Variants in ADCY1 observed in about 807,000 individuals in gnomAD.
ADCY1 encodes adenylate cyclase type 1.
A neutral mutation model predicts 105.4 loss-of-function variants in ADCY1; 28 were observed. The observed-to-expected ratio is 0.27, with a 90% confidence interval of 0.20 to 0.36. The LOEUF is 0.36. Ranked by LOEUF, ADCY1 falls within the 10% of genes least tolerant of loss-of-function variation. The pLI is 1.00. For synonymous variants in ADCY1, 655 were observed against 623.8 expected (o/e 1.05, Z -0.75); for missense variants, 977 against 1,434.2 (o/e 0.68, Z 5.15).
At chr7:45,666,877 A>G (rs1784272067) in intron 8 of ADCY1, among the ~76,000 whole-genome samples, 1 of 152,226 alleles carries the variant, frequency 6.6e-6, no homozygotes, top group Non-Finnish European at 1.5e-5. Flanking sequence ...TCTGATGGCC[A>G]GTGATGATGA....
intron 8 of ADCY1, among the ~76,000 whole-genome samples, chr7:45,672,262 G>T (rs1683872516): frequency 6.6e-6 from 1 of 152,048 alleles, no homozygotes; most frequent in African/African-American, 2.4e-5. Context: ...CTTATGTGAG[G>T]CTATTTCTGG....
chr7:45,669,869 T>C (rs1166043859), intron 8 of ADCY1, among the ~76,000 whole-genome samples: 4 of 152,258 alleles, frequency 2.6e-5, no homozygotes, highest in Non-Finnish European at 2.9e-5. Context: ...CAAATGGTGA[T>C]AATTTTGCTT....
intron 14 of ADCY1, among the ~76,000 whole-genome samples, chr7:45,691,815 T>G (rs1784791074): frequency 6.6e-6 from 1 of 152,218 alleles, no homozygotes; most frequent in Non-Finnish European, 1.5e-5. Flanking sequence ...GACATGGAAT[T>G]TCTGGTGGCA....
At chr7:45,694,912 G>A (rs1259474500) in intron 14 of ADCY1, among the ~76,000 whole-genome samples, 1 of 152,228 alleles carries the variant, frequency 6.6e-6, no homozygotes, top group African/African-American at 2.4e-5. Flanking sequence ...CCTAACCTGT[G>A]CTAATCCCTA....
At chr7:45,585,749 G>C in intron 1 of ADCY1, among the ~76,000 whole-genome samples, 1 of 152,136 alleles carries the variant, frequency 6.6e-6, no homozygotes, top group African/African-American at 2.4e-5. Flanking sequence ...ACCTGGCCCA[G>C]GTGGGCACAT....
At chr7:45,636,181 A>G (rs1000185794) in intron 4 of ADCY1, among the ~76,000 whole-genome samples, 209 of 152,314 alleles carry the variant, frequency 1.4e-3, no homozygotes, top group African/African-American at 4.7e-3. Context: ...TTGTCACTCA[A>G]TACTTACAGG....
chr7:45,642,849 A>T (rs1462340614), intron 4 of ADCY1, among the ~76,000 whole-genome samples: 1 of 152,164 alleles, frequency 6.6e-6, no homozygotes. Flanking sequence ...GAGGTTTTTA[A>T]TTCCCTAATT....
Position 45,719,569 on chromosome 7 carries a change from T to C in ADCY1, c.*5574T>C, listed in dbSNP as rs966782455. 2 of 152,266 alleles carry C rather than the reference T, an allele frequency of 1.3e-5. No individual in the cohort carries two copies. Among genetic ancestry groups the C allele is most frequent in the African/African-American group, 4.8e-5 (2 of 41,470 alleles). The allele number at this position is 152,266 out of a possible 1,614,324, so 9.4% of individuals were successfully genotyped here. A position where few individuals can be genotyped will look rare whatever the true frequency, so the allele number is the denominator to read the frequency against. ...TATTCTGTTCCATATGAAGTCTGTT[T>C]CACTACCTTAAAAAATAGATACTCC... On this transcript the variant is annotated 3_prime_UTR_variant, in exon 20 of 20. Transcript: ENST00000297323.
chr7:45,632,770 A>G (rs1288805151), intron 4 of ADCY1, among the ~76,000 whole-genome samples: 1 of 151,552 alleles, frequency 6.6e-6, no homozygotes, highest in African/African-American at 2.4e-5. Context: ...GGGTCTCACC[A>G]TGTTGCCCAG....
chr7:45,582,043 A>T (rs1207105914), intron 1 of ADCY1, among the ~76,000 whole-genome samples: 1 of 152,024 alleles, frequency 6.6e-6, no homozygotes, highest in Non-Finnish European at 1.5e-5. Context: ...TTTTGTACCT[A>T]CACACTAGCT....
intron 8 of ADCY1, among the ~76,000 whole-genome samples, chr7:45,676,856 A>G (rs988988602): frequency 8.9e-6 from 1 of 112,984 alleles, no homozygotes. Flanking sequence ...TTTTTTTTTT[A>G]TGGTCTTTGG....
At chr7:45,600,646 A>T (rs1562681882) in intron 2 of ADCY1, among the ~76,000 whole-genome samples, 1 of 152,224 alleles carries the variant, frequency 6.6e-6, no homozygotes. Context: ...TGTAACAGAG[A>T]CTGGGTGGCT....
intron 1 of ADCY1, among the ~76,000 whole-genome samples, chr7:45,587,775 G>A (rs1792776687): frequency 6.6e-6 from 1 of 152,260 alleles, no homozygotes; most frequent in East Asian, 1.9e-4. Context: ...TGGGGTGTTG[G>A]TTTTCAGCAG....
chr7:45,636,179 C>T (rs747261030), intron 4 of ADCY1, among the ~76,000 whole-genome samples: 5 of 152,138 alleles, frequency 3.3e-5, no homozygotes, highest in African/African-American at 1.2e-4. Context: ...AGTTGTCACT[C>T]AATACTTACA....
intron 4 of ADCY1, among the ~76,000 whole-genome samples, chr7:45,634,996 A>G (rs980132058): frequency 2.0e-5 from 3 of 152,096 alleles, no homozygotes; most frequent in Admixed American, 6.5e-5. Context: ...AATTTTTTGG[A>G]ATAGTTTTTG....
At position 45,582,617 on chromosome 7, in the gene ADCY1, GC is replaced by G. The variant is rs1318422878; in HGVS notation, c.639+7438del. Among the ~76,000 whole-genome samples the G allele has an allele frequency of 2.0e-5, 3 of 152,228 alleles. No homozygotes were observed. The East Asian group carries it at 5.8e-4, about 29-fold the overall frequency. ...ATGGGGTGGGAGGCCTGCCTCCACT[GC>G]CCAGTCTTCCTGTTCTCCCTCCCAG... On this transcript the variant is annotated intron_variant, in intron 1 of 19. Transcript: ENST00000297323.
intron 3 of ADCY1, among the ~76,000 whole-genome samples, chr7:45,621,796 C>G (rs1292674665): frequency 1.3e-5 from 2 of 152,156 alleles, no homozygotes; most frequent in African/African-American, 4.8e-5. Context: ...AGAGAAAAAG[C>G]CAAGAACACT....
intron 8 of ADCY1, among the ~76,000 whole-genome samples, chr7:45,673,659 A>C (rs1784402705): frequency 6.6e-6 from 1 of 151,718 alleles, no homozygotes; most frequent in Non-Finnish European, 1.5e-5. Flanking sequence ...TTTCACTCTT[A>C]TTTTTCAGGC....
Position 45,659,943 on chromosome 7 carries a change from G to T in ADCY1, c.1308-99G>T, listed in dbSNP as rs1795050569. On this transcript the variant is annotated intron_variant, in intron 6 of 19. Coordinates refer to ENST00000297323, the MANE Select transcript of ADCY1 (RefSeq NM_021116.4). The stretch of plus-strand genomic sequence containing the variant: ...CCCCGTGGAGCCTGCCCTGGTGTGG[G>T]GAAGCCTCTGTCTGTGCCCCTTCCC... 4.1e-6 allele frequency: 6 copies of T among 1,472,100 alleles called. No individual in the cohort carries two copies. In the Admixed American group the frequency reaches 9.7e-5, roughly 24 times the overall value. 91.2% of individuals were successfully genotyped at this position (1,472,100 alleles called of 1,614,324 possible). A position where few individuals can be genotyped will look rare whatever the true frequency, so the allele number is the denominator to read the frequency against.
Sources: gnomAD v4.1 joint callset for allele counts (sites outside exome capture counted in the v4.1 genomes callset) on GRCh38, gnomAD v4.1.1 for gene constraint, MANE v1.5 for transcripts, NCBI Gene and HGNC (gene_info 2026-07-23, HGNC 2026-07-21) for gene names.